The following DRD3 variants were observed in gnomAD, a reference collection of about 807,000 sequenced individuals.
DRD3 encodes D(3) dopamine receptor.
DRD3 carries 19 observed loss-of-function variants against 36.3 expected under a neutral mutation model. The ratio of observed to expected loss-of-function variants is 0.52; its 90% CI spans 0.36 to 0.77. DRD3 has a LOEUF of 0.77. Among genes scored for constraint, DRD3 ranks in the 30% least tolerant of loss-of-function variants. The pLI, the probability that DRD3 is intolerant of heterozygous loss-of-function variation, is 0.00. For synonymous variants in DRD3, 195 were observed against 203.7 expected (o/e 0.96, Z 0.36); for missense variants, 465 against 505.3 (o/e 0.92, Z 0.77).
Position 114,157,900 on chromosome 3 carries a change from C to T in DRD3, c.383+1855G>A, listed in dbSNP as rs534978086. ...GGTGGATCACCTGAGGTTGGGAGTT[C>T]GAGACCAGCCTGACCAACATGGAGA... On this transcript the variant is annotated intron_variant, in intron 3 of 6. Coordinates refer to ENST00000383673, the MANE Select transcript of DRD3 (RefSeq NM_000796.6). Among the ~76,000 whole-genome samples, 6 of 152,094 alleles carry T rather than the reference C, an allele frequency of 3.9e-5. No homozygotes were observed. In the South Asian group the frequency reaches 6.2e-4, roughly 16 times the overall value.
chr3:114,188,496 G>A (rs1201130570), intron 1 of DRD3, among the ~76,000 whole-genome samples: 5 of 152,270 alleles, frequency 3.3e-5, no homozygotes, highest in East Asian at 1.9e-4. Flanking sequence ...ACAGGCGTGA[G>A]CCACCACACC....
At chr3:114,194,644 C>T (rs557757600) in intron 1 of DRD3, among the ~76,000 whole-genome samples, 18 of 152,320 alleles carry the variant, frequency 1.2e-4, no homozygotes, top group African/African-American at 4.3e-4. Context: ...AGCATGCCGA[C>T]TTTTCTGATC....
At chr3:114,172,569 G>A (rs1215353330) in intron 1 of DRD3, among the ~76,000 whole-genome samples, 3 of 152,172 alleles carry the variant, frequency 2.0e-5, no homozygotes, top group Admixed American at 6.5e-5. Context: ...GAGGGTGTGA[G>A]GTAGACAGAT....
chr3:114,181,695 G>T (rs954576513), upstream of DRD3, among the ~76,000 whole-genome samples: 7 of 152,298 alleles, frequency 4.6e-5, no homozygotes, highest in East Asian at 1.4e-3. Context: ...TTTTCAACTT[G>T]AAGTGGCAAG....
intron 1 of DRD3, among the ~76,000 whole-genome samples, chr3:114,197,261 T>C (rs2078042497): frequency 6.7e-6 from 1 of 149,830 alleles, no homozygotes; most frequent in Admixed American, 6.7e-5. Context: ...ATAGGTGCAC[T>C]TGGCTAATTA....
intron 5 of DRD3, among the ~76,000 whole-genome samples, chr3:114,134,020 G>C (rs981593915): frequency 6.6e-6 from 1 of 152,148 alleles, no homozygotes; most frequent in Admixed American, 6.6e-5. Context: ...TATTTCTTAG[G>C]CATGAATAGC....
intron 2 of DRD3, among the ~76,000 whole-genome samples, chr3:114,167,662 A>G (rs1418369324): frequency 6.6e-6 from 1 of 152,194 alleles, no homozygotes; most frequent in East Asian, 1.9e-4. Flanking sequence ...AATGATACCA[A>G]TGAAAGCTGA....
chr3:114,130,283 T>C (rs988461770), intron 6 of DRD3, among the ~76,000 whole-genome samples: 8 of 151,994 alleles, frequency 5.3e-5, no homozygotes, highest in African/African-American at 1.7e-4. Flanking sequence ...CAAAAAATCT[T>C]GATTGTATGC....
intron 3 of DRD3, among the ~76,000 whole-genome samples, chr3:114,159,330 CTCTT>C (rs2077710796): frequency 6.6e-6 from 1 of 151,824 alleles, no homozygotes. Context: ...CTCTTTCTTT[CTCTT>C]TCTCTCTCCC....
chr3:114,172,635 T>C (rs1489139865), intron 1 of DRD3, among the ~76,000 whole-genome samples: 1 of 152,154 alleles, frequency 6.6e-6, no homozygotes, highest in Non-Finnish European at 1.5e-5. Context: ...GGGAAGCTGT[T>C]GCAGGATTAC....
intron 3 of DRD3, among the ~76,000 whole-genome samples, chr3:114,152,035 C>T (rs1182007520): frequency 6.6e-6 from 1 of 152,218 alleles, no homozygotes; most frequent in Non-Finnish European, 1.5e-5. Flanking sequence ...TGAAGTGGAA[C>T]CCAGAAATGT....
At chr3:114,149,041 C>G (rs545482478) in intron 3 of DRD3, among the ~76,000 whole-genome samples, 1 of 152,290 alleles carries the variant, frequency 6.6e-6, no homozygotes, top group South Asian at 2.1e-4. Flanking sequence ...AATCTTTATT[C>G]AATATTTATT....
intron 4 of DRD3, among the ~76,000 whole-genome samples, chr3:114,140,904 T>C (rs1466570320): frequency 6.6e-6 from 1 of 152,218 alleles, no homozygotes; most frequent in African/African-American, 2.4e-5. Flanking sequence ...AGTGGCCATG[T>C]AGGACCCTTA....
intron 2 of DRD3, among the ~76,000 whole-genome samples, chr3:114,163,939 A>G (rs1014163420): frequency 1.3e-5 from 2 of 152,074 alleles, no homozygotes; most frequent in African/African-American, 4.8e-5. Flanking sequence ...GATAAAAGTG[A>G]AAAAAGGCCT....
At chr3:114,187,050 A>T (rs972023214) in intron 1 of DRD3, among the ~76,000 whole-genome samples, 1 of 152,216 alleles carries the variant, frequency 6.6e-6, no homozygotes. Context: ...ACATGTTTCA[A>T]CTGTTTTATT....
intron 5 of DRD3, 47 bp downstream of exon 5, chr3:114,139,453 C>G (rs1020911853): frequency 6.4e-7 from 1 of 1,567,444 alleles, no homozygotes; most frequent in African/African-American, 1.3e-5. Context: ...GCTGGGAAGT[C>G]AGGAGATTGG....
chr3:114,157,991 A>G (rs1478396809), intron 3 of DRD3, among the ~76,000 whole-genome samples: 2 of 152,114 alleles, frequency 1.3e-5, no homozygotes, highest in Non-Finnish European at 2.9e-5. Context: ...AATCCCAGCT[A>G]TTTGGGAGGC....
intron 2 of DRD3, 47 bp from the exon 3 acceptor site, chr3:114,159,914 C>T (rs757184273): frequency 7.1e-6 from 11 of 1,559,354 alleles, no homozygotes; most frequent in East Asian, 2.2e-5. Flanking sequence ...AGTGAAGGAA[C>T]GACAACCCAG....
At chr3:114,164,220 C>CAAAAAAATAAA in intron 2 of DRD3, among the ~76,000 whole-genome samples, 1 of 17,776 alleles carries the variant, frequency 5.6e-5, no homozygotes, top group Non-Finnish European at 1.4e-4. Flanking sequence ...GCCTCAGTCT[C>CAAAAAAATAAA]AAAAAAAAAA....
Sources: gnomAD v4.1 joint callset for allele counts (sites outside exome capture counted in the v4.1 genomes callset) on GRCh38, gnomAD v4.1.1 for gene constraint, MANE v1.5 for transcripts, NCBI Gene and HGNC (gene_info 2026-07-23, HGNC 2026-07-21) for gene names.